Variants in ANP32E observed in about 807,000 individuals in gnomAD.
ANP32E encodes the protein acidic nuclear phosphoprotein 32 family member E.
In ANP32E, 14 loss-of-function variants were observed where a neutral mutation model predicts 35.3. That is an observed-to-expected ratio of 0.40 (90% CI 0.26 to 0.62). ANP32E has a LOEUF of 0.62. Ranked by LOEUF, ANP32E falls within the 20% of genes least tolerant of loss-of-function variation. ANP32E has a pLI of 0.45. For synonymous variants in ANP32E, 89 were observed against 110.4 expected, an observed-to-expected ratio of 0.81 and a Z score of 1.22; for missense variants, 198 against 304.4, an observed-to-expected ratio of 0.65 and a Z score of 2.60.
intron 4 of ANP32E, 98 bp downstream of exon 4, chr1:150,228,974 T>C (rs1649113364): frequency 7.4e-6 from 8 of 1,078,520 alleles, no homozygotes; most frequent in Non-Finnish European, 8.0e-6. Context: ...TGTTGTGGAT[T>C]TTTTTTTTCA....
At position 150,226,812 on chromosome 1, in the gene ANP32E, A is replaced by G; in HGVS notation, c.494-17T>C. ...CATCGCCATCTTTAAAAAATCATTT[A>G]AAGATGAGTAAATGACTGGGTAAAT... On this transcript the variant is annotated splice_polypyrimidine_tract_variant and intron_variant, in intron 4 of 6. Coordinates refer to ENST00000583931, the MANE Select transcript of ANP32E (RefSeq NM_030920.5). The G allele has an allele frequency of 6.3e-7, 1 of 1,593,862 alleles. No individual in the cohort carries two copies.
chr1:150,224,438 G>C (rs1396915350), intron 5 of ANP32E, among the ~76,000 whole-genome samples: 1 of 152,014 alleles, frequency 6.6e-6, no homozygotes, highest in Non-Finnish European at 1.5e-5. Context: ...GCCAGGTGTG[G>C]TGGTGGGCAC....
rs1649756068 is a variant in ANP32E, at chr1:150,236,044, A to G, written c.-258T>C. On this transcript the variant is annotated 5_prime_UTR_variant, in exon 1 of 7. Transcript: ENST00000583931. Reference sequence around the variant, plus strand: ...CGCACACACACGCACGCACGCGCGCACACACATACACACACACATACACAC... The same window carrying G: ...CGCACACACACGCACGCACGCGCGCGCACACATACACACACACATACACAC... 1 of 510,512 alleles carries G rather than the reference A, an allele frequency of 2.0e-6. No homozygotes were observed. Among genetic ancestry groups the G allele is most frequent in the South Asian group, 2.1e-5 (1 of 46,758 alleles). The allele number at this position is 510,512 out of a possible 1,614,324, so 31.6% of individuals were successfully genotyped here.
chr1:150,221,939 A>T (rs1648442039), intron 6 of ANP32E, among the ~76,000 whole-genome samples: 1 of 151,956 alleles, frequency 6.6e-6, no homozygotes, highest in Non-Finnish European at 1.5e-5. Context: ...AAAATACAAA[A>T]ATTAGCAAGG....
chr1:150,222,543 C>A (rs952886383), intron 6 of ANP32E, among the ~76,000 whole-genome samples: 1 of 151,456 alleles, frequency 6.6e-6, no homozygotes, highest in Non-Finnish European at 1.5e-5. Context: ...ATCGTTTGAA[C>A]CCAGAGTTCA....
At chr1:150,234,526 CCA>C (rs1649622395) in intron 1 of ANP32E, 1 of 933,460 alleles carries the variant, frequency 1.1e-6, no homozygotes, top group South Asian at 4.9e-5. Context: ...AGACACCACC[CCA>C]GTTATATCCT....
At position 150,220,630 on chromosome 1, in the gene ANP32E, C is replaced by A. The variant is rs1553837374; in HGVS notation, c.*61G>T. On this transcript the variant is annotated 3_prime_UTR_variant, in exon 7 of 7. Transcript: ENST00000583931. The stretch of plus-strand genomic sequence containing the variant: ...GGGATAGCTATCGTACATGAAGAAA[C>A]AAAGATGTGATCACTCTATTGCACA... 1.4e-6 allele frequency: 2 copies of A among 1,460,714 alleles called. No individual in the cohort carries two copies. Among genetic ancestry groups the A allele is most frequent in the African/African-American group, 1.4e-5 (1 of 71,520 alleles). The allele number at this position is 1,460,714 out of a possible 1,614,324, so 90.5% of individuals were successfully genotyped here. A position where few individuals can be genotyped will look rare whatever the true frequency, so the allele number is the denominator to read the frequency against.
chr1:150,223,026 A>G (rs1553838568), intron 6 of ANP32E, among the ~76,000 whole-genome samples, 160 bp downstream of exon 6: 1 of 152,088 alleles, frequency 6.6e-6, no homozygotes, highest in Admixed American at 6.5e-5. Flanking sequence ...AAAAACTTTT[A>G]TAACTTTGAA....
intron 6 of ANP32E, among the ~76,000 whole-genome samples, chr1:150,222,375 G>A (rs1648489483): frequency 6.6e-6 from 1 of 150,654 alleles, no homozygotes; most frequent in African/African-American, 2.4e-5. Flanking sequence ...ACTGAGATCG[G>A]GCCACTGTAC....
intron 1 of ANP32E, among the ~76,000 whole-genome samples, chr1:150,233,288 A>C (rs1468986264): frequency 1.4e-5 from 2 of 146,854 alleles, no homozygotes; most frequent in African/African-American, 5.2e-5. Context: ...AAAAAAAAAA[A>C]CCTACAAAGA....
At position 150,235,260 on chromosome 1, in the gene ANP32E, G is replaced by C. The variant is rs587706306; in HGVS notation, c.54+473C>G. The stretch of plus-strand genomic sequence containing the variant: ...CGCCCGTCGCGACGTCGGACGCCCA[G>C]GGCCTCGAGGCCGGGGAAGCCCACC... On this transcript the variant is annotated intron_variant, in intron 1 of 6. Coordinates refer to ENST00000583931, the MANE Select transcript of ANP32E (RefSeq NM_030920.5). This position sits in a 1 kb window ranked among gnomAD's most constrained non-coding sequence, Gnocchi z 4.2. Among the ~76,000 whole-genome samples, 1 of 152,346 alleles carries C rather than the reference G, an allele frequency of 6.6e-6. No homozygotes were observed. The highest frequency in any genetic ancestry group is 6.5e-5 in the Admixed American group (1 of 15,298).
At chr1:150,220,873 AC>A in intron 6 of ANP32E, 112 bp from the exon 7 acceptor site, 1 of 839,816 alleles carries the variant, frequency 1.2e-6, no homozygotes, top group South Asian at 1.4e-5. Flanking sequence ...GGTGGCTCAC[AC>A]CTGTAATCCC....
intron 5 of ANP32E, among the ~76,000 whole-genome samples, chr1:150,223,584 C>T (rs1188889709): frequency 2.0e-5 from 3 of 146,882 alleles, no homozygotes; most frequent in African/African-American, 5.0e-5. Context: ...GGGAGGCTGA[C>T]GCAGGAGAAT....
At chr1:150,221,481 GAGGA>G (rs1648368329) in intron 6 of ANP32E, among the ~76,000 whole-genome samples, 1 of 122,550 alleles carries the variant, frequency 8.2e-6, no homozygotes, top group African/African-American at 3.9e-5. Context: ...GAGAGGAAGA[GAGGA>G]AGGAAGGGAG....
At chr1:150,231,615 G>A (rs1410714424) in intron 2 of ANP32E, among the ~76,000 whole-genome samples, 162 bp downstream of exon 2, 1 of 148,562 alleles carries the variant, frequency 6.7e-6, no homozygotes, top group Non-Finnish European at 1.5e-5. Flanking sequence ...ATTTATAAAA[G>A]CAGTATTAGA....
chr1:150,232,489 T>TTTTG lies in ANP32E; in HGVS notation c.55-564_55-563insCAAA, dbSNP rs1477799667. Among the ~76,000 whole-genome samples the TTTTG allele has an allele frequency of 9.6e-5, 12 of 125,296 alleles. 1 individual carries two copies. The highest frequency in any genetic ancestry group is 2.4e-4 in the South Asian group (1 of 4,158). The allele number at this position is 125,296 out of a possible 152,430, so 82.2% of individuals were successfully genotyped here. ...TTTCTTTTTTCTTTTTTTTTTTTTG[T>TTTTG]AGATGGAGTCTTGCTCTGTTACCCA... On this transcript the variant is annotated intron_variant, in intron 1 of 6. Coordinates refer to ENST00000583931, the MANE Select transcript of ANP32E (RefSeq NM_030920.5).
chr1:150,223,681 CAAA>C (rs781932099), intron 5 of ANP32E, among the ~76,000 whole-genome samples: 2 of 76,758 alleles, frequency 2.6e-5, no homozygotes, highest in Admixed American at 2.1e-4. Flanking sequence ...GGCTTCATCT[CAAA>C]AAAAAAAAAA....
intron 5 of ANP32E, 47 bp from the exon 6 acceptor site, chr1:150,223,287 T>A: frequency 6.6e-7 from 1 of 1,515,664 alleles, no homozygotes; most frequent in Non-Finnish European, 9.0e-7. Context: ...TCCATATGAT[T>A]TTTCACTCTT....
intron 6 of ANP32E, among the ~76,000 whole-genome samples, chr1:150,221,153 A>C (rs1553837712): frequency 6.6e-6 from 1 of 150,710 alleles, no homozygotes; most frequent in South Asian, 2.1e-4. Context: ...GCAGAAGAAA[A>C]TTGGCCAGGT....
Sources: gnomAD v4.1 joint callset for allele counts (sites outside exome capture counted in the v4.1 genomes callset) on GRCh38, gnomAD v4.1.1 for gene constraint, Gnocchi (gnomAD v3.1) non-coding constraint, MANE v1.5 for transcripts, NCBI Gene and HGNC (gene_info 2026-07-23, HGNC 2026-07-21) for gene names.